ERG: variants seen among roughly 807,000 people sequenced by gnomAD.
ERG encodes the protein ETS transcription factor ERG, also known as transcriptional regulator ERG.
ERG carries 9 observed loss-of-function variants against 55.3 expected under a neutral mutation model. The ratio of observed to expected loss-of-function variants is 0.16; its 90% confidence interval spans 0.10 to 0.28. ERG has a LOEUF of 0.28. Ranked by LOEUF, ERG falls within the 10% of genes least tolerant of loss-of-function variation. The probability of loss-of-function intolerance (pLI) is 1.00; values close to 1 mark genes in which losing one functional copy is unlikely to be tolerated. For missense variants in ERG, 434 were observed against 631.6 expected (o/e 0.69, Z 3.35); for synonymous variants, 223 against 237.3 (o/e 0.94, Z 0.55).
intron 1 of ERG, among the ~76,000 whole-genome samples, chr21:38,614,141 C>A (rs1433626441): frequency 1.3e-5 from 2 of 152,120 alleles, no homozygotes; most frequent in Non-Finnish European, 2.9e-5. Flanking sequence ...TGACTCAGAG[C>A]CAAAGACCAG....
intron 1 of ERG, among the ~76,000 whole-genome samples, chr21:38,603,479 C>T (rs374798514): frequency 6.1e-4 from 93 of 152,034 alleles, no homozygotes; most frequent in East Asian, 2.1e-3. Flanking sequence ...ATTAGCTAGG[C>T]GTGGTGGTGC....
chr21:38,378,917 A>C (rs1186977979), downstream of ERG, among the ~76,000 whole-genome samples: 1 of 152,230 alleles, frequency 6.6e-6, no homozygotes, highest in Non-Finnish European at 1.5e-5. Flanking sequence ...TCAATCTGTC[A>C]AGACATTTTT....
intron 1 of ERG, among the ~76,000 whole-genome samples, chr21:38,478,973 C>T (rs184110235): frequency 2.0e-5 from 3 of 152,206 alleles, no homozygotes; most frequent in South Asian, 4.2e-4. Flanking sequence ...GTGTGGGCTG[C>T]CCTAAGCTTT....
intron 1 of ERG, among the ~76,000 whole-genome samples, chr21:38,646,473 G>C (rs555353184): frequency 1.3e-5 from 2 of 152,080 alleles, no homozygotes; most frequent in Admixed American, 1.3e-4. Flanking sequence ...GTTAGATTCT[G>C]ACCGATCTGC....
Position 38,572,365 on chromosome 21 carries a change from CAAAAAAAA to C in ERG, c.-41+3289_-41+3296del, listed in dbSNP as rs758324053. Reference sequence around the variant, plus strand: ...CCTGGGCAACAAAGCGAGACTCCATCAAAAAAAAAAAAAAAAAAAAAGAACTTCCTTCC... The same window carrying C: ...CCTGGGCAACAAAGCGAGACTCCATCAAAAAAAAAAAAAGAACTTCCTTCC... On this transcript the variant is annotated intron_variant, in intron 2 of 8. Transcript: ENST00000398897. Among the ~76,000 whole-genome samples the C allele has an allele frequency of 7.5e-5, 5 of 66,988 alleles. No individual in the cohort carries two copies. In the Admixed American group the frequency reaches 9.5e-4, roughly 13 times the overall value. The allele number at this position is 66,988 out of a possible 152,430, so 43.9% of individuals were successfully genotyped here. A position where few individuals can be genotyped will look rare whatever the true frequency, so the allele number is the denominator to read the frequency against.
chr21:38,428,340 C>A (rs967724518), intron 2 of ERG, among the ~76,000 whole-genome samples: 1 of 152,216 alleles, frequency 6.6e-6, no homozygotes, highest in South Asian at 2.1e-4. Context: ...TACTCCACTG[C>A]AACCCCACCT....
chr21:38,530,171 C>T (rs2059662032), intron 2 of ERG, among the ~76,000 whole-genome samples: 1 of 151,904 alleles, frequency 6.6e-6, no homozygotes, highest in African/African-American at 2.4e-5. Flanking sequence ...GTGATTCTCC[C>T]ACCTTTGCCT....
chr21:38,442,413 G>C (rs959604774), intron 2 of ERG, among the ~76,000 whole-genome samples: 2 of 152,218 alleles, frequency 1.3e-5, no homozygotes, highest in Non-Finnish European at 2.9e-5. Flanking sequence ...AAATAAAAAA[G>C]AAAGAAAATG....
At chr21:38,419,098 C>T (rs1989422893) in intron 3 of ERG, among the ~76,000 whole-genome samples, 1 of 152,118 alleles carries the variant, frequency 6.6e-6, no homozygotes, top group Non-Finnish European at 1.5e-5. Flanking sequence ...GGGTTTACGA[C>T]AGTGTAAGAG....
intron 3 of ERG, among the ~76,000 whole-genome samples, chr21:38,416,281 T>C (rs887136909): frequency 2.0e-5 from 3 of 152,372 alleles, no homozygotes; most frequent in Middle Eastern, 3.4e-3. Context: ...GCTGCAACTG[T>C]GGCAGGAAGA....
chr21:38,586,256 A>C (rs1028262134), upstream of ERG, among the ~76,000 whole-genome samples: 3 of 142,350 alleles, frequency 2.1e-5, no homozygotes, highest in Non-Finnish European at 3.1e-5. Flanking sequence ...TGGCTAAAGT[A>C]AGCTAATTAA....
In ERG at chr21:38,498,056, G is replaced by A. The variant is rs974990751; in HGVS notation, c.18+307C>T. On this transcript the variant is annotated intron_variant, in intron 1 of 9. Transcript: ENST00000288319. This position sits in a 1 kb window ranked among gnomAD's most constrained non-coding sequence, Gnocchi z 4.6. The stretch of plus-strand genomic sequence containing the variant: ...TTTCTCAGACACACATCCAGGCACC[G>A]TTAGGGATAGTTAGAGAATCTGAAA... 2.0e-5 allele frequency among the ~76,000 whole-genome samples: 3 copies of A among 152,184 alleles called. No individual in the cohort carries two copies. The highest frequency in any genetic ancestry group is 7.2e-5 in the African/African-American group (3 of 41,438).
At chr21:38,567,078 G>T (rs1386155804) in intron 2 of ERG, among the ~76,000 whole-genome samples, 1 of 152,184 alleles carries the variant, frequency 6.6e-6, no homozygotes, top group East Asian at 1.9e-4. Context: ...CAGACTGGGG[G>T]GGGGATTGTG....
chr21:38,558,220 A>G (rs114611819), intron 2 of ERG, among the ~76,000 whole-genome samples: 1,780 of 152,278 alleles, frequency 0.012, 42 homozygotes, highest in African/African-American at 0.041. Flanking sequence ...AGATGACAGC[A>G]GGAGAAATGG....
chr21:38,612,391 T>C (rs906391277), intron 1 of ERG, among the ~76,000 whole-genome samples: 1 of 152,232 alleles, frequency 6.6e-6, no homozygotes, highest in Non-Finnish European at 1.5e-5. Context: ...TTTTATTTGA[T>C]TTCAAAACAT....
At chr21:38,459,485 G>T (rs953432855) in intron 1 of ERG, among the ~76,000 whole-genome samples, 8 of 152,294 alleles carry the variant, frequency 5.3e-5, no homozygotes, top group South Asian at 2.1e-4. Context: ...TTTATAGCAC[G>T]TCTTCACAGA....
chr21:38,402,203 A>C (rs1157396563), intron 5 of ERG, among the ~76,000 whole-genome samples: 1 of 152,220 alleles, frequency 6.6e-6, no homozygotes, highest in African/African-American at 2.4e-5. Context: ...TTTTATATCG[A>C]ACATGCTTTT....
intron 1 of ERG, among the ~76,000 whole-genome samples, chr21:38,650,726 C>T (rs771785610): frequency 6.6e-6 from 1 of 152,166 alleles, no homozygotes; most frequent in Non-Finnish European, 1.5e-5. Context: ...ACATATAGCA[C>T]ACTGATAATA....
intron 1 of ERG, among the ~76,000 whole-genome samples, chr21:38,659,170 C>T (rs1327051470): frequency 6.6e-6 from 1 of 152,178 alleles, no homozygotes; most frequent in Non-Finnish European, 1.5e-5. Flanking sequence ...CAAACCGAAG[C>T]TAGGATTACC....
Sources: allele counts gnomAD v4.1 joint callset (sites outside exome capture counted in the v4.1 genomes callset), GRCh38; gene constraint gnomAD v4.1.1; non-coding constraint Gnocchi (gnomAD v3.1); transcripts MANE v1.5; gene names NCBI Gene and HGNC (gene_info 2026-07-23, HGNC 2026-07-21).